The following SEMA3A variants were observed in gnomAD, a reference collection of about 807,000 sequenced individuals.
The protein encoded by SEMA3A is semaphorin-3A.
A neutral mutation model predicts 97.9 loss-of-function variants in SEMA3A; 29 were observed. That is an observed-to-expected ratio of 0.30 (90% CI 0.22 to 0.40). The LOEUF is 0.40. SEMA3A is among the 10% of genes least tolerant of loss of function. The pLI is 1.00. For synonymous variants in SEMA3A, 321 were observed against 323.7 expected, an observed-to-expected ratio of 0.99 and a Z score of 0.09; for missense variants, 763 against 951.3, an observed-to-expected ratio of 0.80 and a Z score of 2.60.
intron 15 of SEMA3A, among the ~76,000 whole-genome samples, chr7:83,963,871 G>A (rs1470857869): frequency 6.6e-6 from 1 of 152,146 alleles, no homozygotes; most frequent in African/African-American, 2.4e-5. Context: ...AAGGTAGAGT[G>A]CAGGAAGTTT....
At chr7:84,463,342 G>T (rs1423226696) in intron 1 of SEMA3A, among the ~76,000 whole-genome samples, 1 of 141,486 alleles carries the variant, frequency 7.1e-6, no homozygotes, top group Non-Finnish European at 1.5e-5. Context: ...TCCGCCTCCC[G>T]GGTTCAGGCC....
intron 15 of SEMA3A, among the ~76,000 whole-genome samples, chr7:83,974,749 G>C (rs1382031652): frequency 2.0e-5 from 3 of 151,996 alleles, no homozygotes; most frequent in African/African-American, 7.2e-5. Context: ...GTAATTTATG[G>C]TGTATATGGT....
chr7:84,216,501 A>G (rs1314239665), intron 3 of SEMA3A, among the ~76,000 whole-genome samples: 3 of 152,054 alleles, frequency 2.0e-5, no homozygotes, highest in Non-Finnish European at 4.4e-5. Context: ...ATTTTTTCAA[A>G]CCTGATCCTT....
intron 3 of SEMA3A, among the ~76,000 whole-genome samples, chr7:84,215,118 G>C (rs1798717420): frequency 6.6e-6 from 1 of 151,700 alleles, no homozygotes; most frequent in Non-Finnish European, 1.5e-5. Context: ...CGATTTGTCT[G>C]CCTCAGACTC....
intron 1 of SEMA3A, among the ~76,000 whole-genome samples, chr7:84,399,846 G>T (rs372395907): frequency 1.3e-5 from 2 of 152,074 alleles, no homozygotes; most frequent in Non-Finnish European, 2.9e-5. Flanking sequence ...TGGGCTTCAC[G>T]TACAAGCTGG....
intron 1 of SEMA3A, among the ~76,000 whole-genome samples, chr7:84,390,481 C>A (rs1473459017): frequency 6.6e-6 from 1 of 151,616 alleles, no homozygotes; most frequent in Non-Finnish European, 1.5e-5. Flanking sequence ...AGAACATTAT[C>A]TAGATTTTCT....
At chr7:83,994,821 C>T (rs1455310366) in intron 12 of SEMA3A, among the ~76,000 whole-genome samples, 1 of 152,000 alleles carries the variant, frequency 6.6e-6, no homozygotes, top group East Asian at 2.0e-4. Context: ...AGGCAGGCCT[C>T]CTTGAGCTGT....
intron 3 of SEMA3A, among the ~76,000 whole-genome samples, chr7:84,229,797 T>G (rs754292053): frequency 6.6e-5 from 10 of 152,038 alleles, no homozygotes; most frequent in Non-Finnish European, 1.5e-4. Flanking sequence ...CTTGGTTCTT[T>G]TCTTTCGAGT....
At position 84,358,464 on chromosome 7, in the gene SEMA3A, C is replaced by G. The variant is rs568456897; in HGVS notation, c.-169+13360G>C. 2.0e-4 allele frequency among the ~76,000 whole-genome samples: 31 copies of G among 152,066 alleles called. No homozygotes were observed. In the South Asian group the frequency reaches 6.4e-3, roughly 32 times the overall value. On this transcript the variant is annotated intron_variant, in intron 2 of 3. Coordinates refer to the SEMA3A transcript ENST00000424555. The stretch of plus-strand genomic sequence containing the variant: ...ATAGTTGTCAATGTGTGGTATTATT[C>G]CTGAGGGCTCCATTCTGTTCCATTG...
intron 3 of SEMA3A, among the ~76,000 whole-genome samples, chr7:84,287,223 T>C (rs190579642): frequency 1.5e-4 from 23 of 152,230 alleles, no homozygotes; most frequent in Admixed American, 3.9e-4. Context: ...TATTGAGGTA[T>C]AATTGACAAA....
chr7:84,370,583 A>C (rs1802949817), intron 2 of SEMA3A, among the ~76,000 whole-genome samples: 1 of 151,732 alleles, frequency 6.6e-6, no homozygotes, highest in Admixed American at 6.6e-5. Context: ...ACCATGTGCC[A>C]ATTCTAGTTT....
Position 84,422,452 on chromosome 7 carries a change from T to A in SEMA3A, c.-245-50552A>T, listed in dbSNP as rs1016267934. On this transcript the variant is annotated intron_variant, in intron 1 of 3. Transcript: ENST00000424555. ...GCTATCCATCTATCTATTTTGTTAA[T>A]CTTTTCAAAAAACCAGCTCCTAGAT... 9.2e-5 allele frequency among the ~76,000 whole-genome samples: 14 copies of A among 152,240 alleles called. No individual in the cohort carries two copies. The East Asian group carries it at 2.7e-3, about 29-fold the overall frequency.
chr7:83,975,009 TCTTA>T (rs1361403867), intron 15 of SEMA3A, among the ~76,000 whole-genome samples: 2 of 152,152 alleles, frequency 1.3e-5, no homozygotes, highest in Non-Finnish European at 2.9e-5. Flanking sequence ...TCACTTTATT[TCTTA>T]CTTCTTATGG....
chr7:84,450,969 T>C (rs1805539483), intron 1 of SEMA3A, among the ~76,000 whole-genome samples: 2 of 152,164 alleles, frequency 1.3e-5, no homozygotes, highest in Non-Finnish European at 2.9e-5. Context: ...GCCTTTTCAC[T>C]CTGTTAATTG....
At chr7:84,363,373 A>G (rs1302911569) in intron 2 of SEMA3A, among the ~76,000 whole-genome samples, 2 of 151,890 alleles carry the variant, frequency 1.3e-5, no homozygotes, top group East Asian at 3.9e-4. Context: ...ACTCTCGGAC[A>G]TTCGAAAATA....
intron 1 of SEMA3A, among the ~76,000 whole-genome samples, chr7:84,398,216 C>A (rs1326538762): frequency 6.6e-6 from 1 of 152,174 alleles, no homozygotes; most frequent in African/African-American, 2.4e-5. Flanking sequence ...AACTAATTTT[C>A]ATTCCACCTC....
At chr7:84,154,548 C>G (rs1279567538) in intron 1 of SEMA3A, among the ~76,000 whole-genome samples, 1 of 151,582 alleles carries the variant, frequency 6.6e-6, no homozygotes, top group Non-Finnish European at 1.5e-5. Flanking sequence ...TGGTGGTGGG[C>G]GCCTGTAATC....
At chr7:84,278,088 C>T (rs1388669261) in intron 3 of SEMA3A, among the ~76,000 whole-genome samples, 1 of 152,130 alleles carries the variant, frequency 6.6e-6, no homozygotes, top group Non-Finnish European at 1.5e-5. Context: ...AGCCAAGTGA[C>T]ATCCTAAGTA....
At chr7:84,167,871 G>A (rs1401653728) in intron 1 of SEMA3A, among the ~76,000 whole-genome samples, 1 of 152,134 alleles carries the variant, frequency 6.6e-6, no homozygotes, top group Admixed American at 6.6e-5. Context: ...GCTCAATTTT[G>A]TAAAGGATTC....
Sources: gnomAD v4.1 joint callset for allele counts (sites outside exome capture counted in the v4.1 genomes callset) on GRCh38, gnomAD v4.1.1 for gene constraint, MANE v1.5 for transcripts, NCBI Gene and HGNC (gene_info 2026-07-23, HGNC 2026-07-21) for gene names.